The following GRM7 variants were observed in gnomAD, a reference collection of about 807,000 sequenced individuals.
The protein encoded by GRM7 is glutamate metabotropic receptor 7, also known as metabotropic glutamate receptor 7.
GRM7 carries 35 observed loss-of-function variants against 84.5 expected under a neutral mutation model. The observed-to-expected ratio is 0.41, with a 90% CI of 0.32 to 0.55. The LOEUF (loss-of-function observed/expected upper bound fraction) is 0.55, where lower values mean the gene tolerates loss of function less well. GRM7 is among the 20% of genes least tolerant of loss of function. GRM7 has a pLI of 0.19. For missense variants in GRM7, 1,003 were observed against 1,194.6 expected (o/e 0.84, Z 2.36); for synonymous variants, 487 against 455.1 (o/e 1.07, Z -0.89).
At chr3:7,492,409 T>G (rs1286643800) in intron 7 of GRM7, among the ~76,000 whole-genome samples, 1 of 152,234 alleles carries the variant, frequency 6.6e-6, no homozygotes, top group Non-Finnish European at 1.5e-5. Flanking sequence ...TCAGTTTGTC[T>G]ACTTAATCTT....
At chr3:7,225,727 A>C (rs1453307104) in intron 2 of GRM7, among the ~76,000 whole-genome samples, 1 of 151,892 alleles carries the variant, frequency 6.6e-6, no homozygotes. Context: ...GAAGTACAAT[A>C]GTTTTAATAA....
intron 5 of GRM7, among the ~76,000 whole-genome samples, chr3:7,427,678 A>C (rs1314381759): frequency 6.6e-6 from 1 of 152,174 alleles, no homozygotes; most frequent in Non-Finnish European, 1.5e-5. Context: ...GTGATCTTCA[A>C]AAGTCCCACT....
chr3:7,408,960 G>A (rs559300067), intron 4 of GRM7, among the ~76,000 whole-genome samples: 252 of 152,218 alleles, frequency 1.7e-3, no homozygotes, highest in Non-Finnish European at 2.2e-3. Flanking sequence ...TTATTAAAAC[G>A]CATTGTTTTG....
chr3:7,019,300 T>C (rs1695684752), intron 1 of GRM7, among the ~76,000 whole-genome samples: 1 of 152,130 alleles, frequency 6.6e-6, no homozygotes. Flanking sequence ...TACATCATTA[T>C]CACCCAAAGT....
intron 1 of GRM7, among the ~76,000 whole-genome samples, chr3:6,994,356 T>A (rs1463766927): frequency 6.6e-6 from 1 of 152,200 alleles, no homozygotes; most frequent in African/African-American, 2.4e-5. Context: ...AAAGGAAACC[T>A]GAGCATGTTA....
chr3:7,458,728 A>G (rs527618738), intron 6 of GRM7, among the ~76,000 whole-genome samples: 16 of 152,318 alleles, frequency 1.1e-4, no homozygotes, highest in African/African-American at 3.6e-4. Context: ...CAGGCCTCCC[A>G]TATTCTTCCT....
chr3:7,310,571 A>C (rs1365717397), intron 4 of GRM7, among the ~76,000 whole-genome samples: 1 of 152,160 alleles, frequency 6.6e-6, no homozygotes, highest in Non-Finnish European at 1.5e-5. Flanking sequence ...TGAGAAAGAA[A>C]ATATTGCCTT....
At chr3:7,488,858 C>T (rs1575409432) in intron 7 of GRM7, among the ~76,000 whole-genome samples, 1 of 147,484 alleles carries the variant, frequency 6.8e-6, no homozygotes, top group Non-Finnish European at 1.5e-5. Flanking sequence ...CTAGTAAGGT[C>T]TTATTTATTT....
At chr3:7,155,803 C>T (rs548059612) in intron 2 of GRM7, among the ~76,000 whole-genome samples, 15 of 152,028 alleles carry the variant, frequency 9.9e-5, no homozygotes, top group Non-Finnish European at 4.4e-5. Context: ...TAAACATATC[C>T]GGCAGTAATA....
At chr3:6,980,907 A>G (rs912872129) in intron 1 of GRM7, among the ~76,000 whole-genome samples, 6 of 152,326 alleles carry the variant, frequency 3.9e-5, no homozygotes, top group East Asian at 1.9e-4. Context: ...AACCCATCCA[A>G]TGTAAACTGG....
At chr3:7,446,697 T>C (rs2124881209) in intron 5 of GRM7, among the ~76,000 whole-genome samples, 1 of 152,222 alleles carries the variant, frequency 6.6e-6, no homozygotes, top group East Asian at 1.9e-4. Context: ...TGACCTCAGG[T>C]GATCTGCCCA....
intron 2 of GRM7, among the ~76,000 whole-genome samples, chr3:7,167,672 T>A (rs1030490428): frequency 6.6e-5 from 10 of 151,636 alleles, no homozygotes; most frequent in Admixed American, 2.0e-4. Context: ...TTTGTCTCTT[T>A]AAAAAAAAGA....
chr3:7,219,819 G>A (rs549129410), intron 2 of GRM7, among the ~76,000 whole-genome samples: 2 of 152,250 alleles, frequency 1.3e-5, no homozygotes, highest in South Asian at 4.1e-4. Flanking sequence ...GCTCCTTGAA[G>A]AAATGGCTGA....
At chr3:7,067,739 T>C (rs1430741638) in intron 1 of GRM7, among the ~76,000 whole-genome samples, 1 of 151,896 alleles carries the variant, frequency 6.6e-6, no homozygotes, top group African/African-American at 2.4e-5. Flanking sequence ...GTAAGGGTCA[T>C]CCTGACTTGA....
Position 7,146,448 on chromosome 3 carries a change from G to C in GRM7, c.520-4G>C. 6.2e-7 allele frequency: 1 copy of C among 1,609,090 alleles called. No individual in the cohort carries two copies. Among genetic ancestry groups the C allele is most frequent in the Non-Finnish European group, 8.5e-7 (1 of 1,176,344 alleles). ...TCTCACGTGGTGCTTTCTTGTCTTT[G>C]CAGATCCCCCAGATTAGTTATGCAT... On this transcript the variant is annotated splice_polypyrimidine_tract_variant and splice_region_variant and intron_variant, in intron 1 of 9. Transcript: ENST00000357716.
chr3:7,325,390 A>T (rs1700943915), intron 4 of GRM7, among the ~76,000 whole-genome samples: 1 of 152,204 alleles, frequency 6.6e-6, no homozygotes, highest in African/African-American at 2.4e-5. Flanking sequence ...TGCTGGGTGA[A>T]CTTACTAAAA....
At chr3:7,371,315 A>G (rs1420563745) in intron 4 of GRM7, among the ~76,000 whole-genome samples, 5 of 152,176 alleles carry the variant, frequency 3.3e-5, no homozygotes, top group African/African-American at 1.2e-4. Flanking sequence ...GACAGACTAC[A>G]CTTAGAAAGC....
intron 5 of GRM7, among the ~76,000 whole-genome samples, chr3:7,443,308 A>G (rs1342881147): frequency 1.3e-5 from 2 of 152,178 alleles, no homozygotes; most frequent in East Asian, 1.9e-4. Context: ...ACACTTCAGC[A>G]TGCAACTTTA....
intron 1 of GRM7, among the ~76,000 whole-genome samples, chr3:6,980,670 G>A (rs1458067661): frequency 1.3e-5 from 2 of 152,190 alleles, no homozygotes; most frequent in Non-Finnish European, 2.9e-5. Context: ...TGATATACAT[G>A]TAATGAGATG....
Sources: gnomAD v4.1 joint callset for allele counts (sites outside exome capture counted in the v4.1 genomes callset) on GRCh38, gnomAD v4.1.1 for gene constraint, MANE v1.5 for transcripts, NCBI Gene and HGNC (gene_info 2026-07-23, HGNC 2026-07-21) for gene names.